The following UBE2D2 variants were observed in gnomAD, a reference collection of about 807,000 sequenced individuals.
The protein encoded by UBE2D2 is ubiquitin conjugating enzyme E2 D2.
In UBE2D2, 2 loss-of-function variants were observed where a neutral mutation model predicts 24.2. The observed-to-expected ratio is 0.08, with a 90% CI of 0.03 to 0.26. The LOEUF (loss-of-function observed/expected upper bound fraction) is 0.26. Ranked by LOEUF, UBE2D2 falls within the 10% of genes least tolerant of loss-of-function variation. The pLI is 1.00. For missense variants in UBE2D2, 44 were observed against 177.6 expected (o/e 0.25, Z 4.28); for synonymous variants, 58 against 56.5 (o/e 1.03, Z -0.12).
At chr5:139,575,202 T>C (rs1753442017) in intron 1 of UBE2D2, among the ~76,000 whole-genome samples, 1 of 152,184 alleles carries the variant, frequency 6.6e-6, no homozygotes. Flanking sequence ...GCTGGACTCT[T>C]TCACCTTTGC....
chr5:139,578,729 A>G (rs901083148), intron 1 of UBE2D2, among the ~76,000 whole-genome samples: 1 of 152,138 alleles, frequency 6.6e-6, no homozygotes, highest in South Asian at 2.1e-4. Context: ...CTGGAATTAC[A>G]GACAGCCACC....
intron 2 of UBE2D2, among the ~76,000 whole-genome samples, chr5:139,602,684 A>AAACAAC (rs369766587): frequency 1.3e-5 from 2 of 152,218 alleles, no homozygotes; most frequent in South Asian, 2.1e-4. Flanking sequence ...CTCAAAACAA[A>AAACAAC]AACAACAACA....
At chr5:139,625,060 C>T (rs533620459) in intron 6 of UBE2D2, among the ~76,000 whole-genome samples, 1 of 151,300 alleles carries the variant, frequency 6.6e-6, no homozygotes, top group Non-Finnish European at 1.5e-5. Context: ...TCTAACCCCC[C>T]ACTTTTTTTT....
chr5:139,604,160 G>A (rs1234860585), intron 2 of UBE2D2, among the ~76,000 whole-genome samples: 2 of 142,128 alleles, frequency 1.4e-5, no homozygotes, highest in African/African-American at 5.3e-5. Context: ...TTTTTTTTGA[G>A]ACGGAATCTC....
intron 1 of UBE2D2, among the ~76,000 whole-genome samples, chr5:139,552,757 A>G (rs1752939466): frequency 7.0e-6 from 1 of 141,930 alleles, no homozygotes; most frequent in Non-Finnish European, 1.5e-5. Flanking sequence ...ATCTTGGCTC[A>G]CCGCAACCTC....
rs189316384 is a variant in UBE2D2 at position 139,536,707 on chromosome 5, C to A, written c.-64+10095C>A. On this transcript the variant is annotated intron_variant, in intron 1 of 6. Transcript: ENST00000511725. The stretch of plus-strand genomic sequence containing the variant: ...GTTTCACCCTGTTGGCCAGGCTGGT[C>A]TCCAACTCCTGAACTCATGTGATCC... 1.1e-3 allele frequency among the ~76,000 whole-genome samples: 172 copies of A among 152,096 alleles called. 1 individual carries two copies. Among genetic ancestry groups the A allele is most frequent in the African/African-American group, 3.8e-3 (157 of 41,526 alleles).
chr5:139,581,947 G>C (rs1009153849), intron 1 of UBE2D2, among the ~76,000 whole-genome samples: 1 of 152,042 alleles, frequency 6.6e-6, no homozygotes, highest in Admixed American at 6.6e-5. Flanking sequence ...GATTGCAGGC[G>C]TGAGCTACTG....
In UBE2D2 at chr5:139,561,745, C is replaced by A; in HGVS notation, c.-47C>A. On this transcript the variant is annotated 5_prime_UTR_variant, in exon 1 of 7. Transcript: ENST00000398733. ...TCCCTAGCCCCTTCCCCGTCCCTTC[C>A]CCGCCCCCGTCCCCGCCCCGGGGGC... 2 of 1,410,920 alleles carry A rather than the reference C, an allele frequency of 1.4e-6. No individual in the cohort carries two copies. Among genetic ancestry groups the A allele is most frequent in the Non-Finnish European group, 1.9e-6 (2 of 1,060,298 alleles). 87.4% of individuals were successfully genotyped at this position (1,410,920 alleles called of 1,614,324 possible). A position where few individuals can be genotyped will look rare whatever the true frequency, so the allele number is the denominator to read the frequency against.
rs573104974 is a variant in UBE2D2, at chr5:139,623,569, C to T, written c.398+108C>T. The T allele has an allele frequency of 1.0e-3, 775 of 773,038 alleles. 2 individuals carry two copies. The highest frequency in any genetic ancestry group is 4.4e-3 in the Middle Eastern group (18 of 4,136). 47.9% of individuals were successfully genotyped at this position (773,038 alleles called of 1,614,324 possible). ...ATCGGCCAGATATTTAAAGTGAAGT[C>T]CTAATATACTCTCCTGGGGCTAGAA... is the stretch of plus-strand genomic sequence containing the variant. On this transcript the variant is annotated intron_variant, in intron 6 of 6. Coordinates refer to ENST00000398733, the MANE Select transcript of UBE2D2 (RefSeq NM_003339.3).
At chr5:139,558,869 C>T (rs913472049), upstream of UBE2D2, among the ~76,000 whole-genome samples, 3 of 151,954 alleles carry the variant, frequency 2.0e-5, no homozygotes, top group Non-Finnish European at 4.4e-5. Flanking sequence ...GGAACCACCA[C>T]GGCTCACTGC....
At chr5:139,626,198 A>G (rs1339611273) in intron 6 of UBE2D2, among the ~76,000 whole-genome samples, 15 of 151,256 alleles carry the variant, frequency 9.9e-5, no homozygotes, top group Admixed American at 9.9e-4. Context: ...CCTCCTGAGT[A>G]GCTGGGACTA....
At position 139,600,301 on chromosome 5, in the gene UBE2D2, A is replaced by G. The variant is rs778190993; in HGVS notation, c.25-71A>G. On this transcript the variant is annotated intron_variant, in intron 1 of 6. Coordinates refer to ENST00000398733, the MANE Select transcript of UBE2D2 (RefSeq NM_003339.3). ...AGCAGGACAGAGAATATTGGTAACAATATAAACTTTAGTAATGGATAAAAG... is the reference window on the plus strand; with the variant it reads ...AGCAGGACAGAGAATATTGGTAACAGTATAAACTTTAGTAATGGATAAAAG... 19 of 1,509,784 alleles carry G rather than the reference A, an allele frequency of 1.3e-5. No homozygotes were observed. The East Asian group carries it at 3.6e-4, about 29-fold the overall frequency. The allele number at this position is 1,509,784 out of a possible 1,614,324, so 93.5% of individuals were successfully genotyped here.
intron 1 of UBE2D2, among the ~76,000 whole-genome samples, chr5:139,568,969 CA>C (rs1457174734): frequency 2.7e-5 from 4 of 149,328 alleles, no homozygotes; most frequent in African/African-American, 7.4e-5. Flanking sequence ...GACTCCGTCT[CA>C]AAAAAGAAAA....
chr5:139,560,296 C>A (rs1251496641), upstream of UBE2D2, among the ~76,000 whole-genome samples: 1 of 151,430 alleles, frequency 6.6e-6, no homozygotes, highest in Non-Finnish European at 1.5e-5. Flanking sequence ...CTCCCGGATT[C>A]AAGCGATTCT....
chr5:139,624,511 G>T (rs1464564119), intron 6 of UBE2D2, among the ~76,000 whole-genome samples: 1 of 152,210 alleles, frequency 6.6e-6, no homozygotes, highest in Non-Finnish European at 1.5e-5. Context: ...TTTAGGGCCG[G>T]GCGCAGTGGC....
intron 1 of UBE2D2, among the ~76,000 whole-genome samples, chr5:139,548,163 C>CAAAAAAAAAAAAA (rs749269739): frequency 9.1e-5 from 3 of 32,964 alleles, no homozygotes; most frequent in Admixed American, 8.4e-4. Context: ...GACTCCGTCT[C>CAAAAAAAAAAAAA]AAAAAAAAAA....
rs957903985 is a variant in UBE2D2 at position 139,625,792 on chromosome 5, A to G, written c.399-964A>G. ...GCTAATTTTTGTGTTTTCAGTAGAG[A>G]CGGGATTTTGCCATGTTGGCCAGGC... On this transcript the variant is annotated intron_variant, in intron 6 of 6. Transcript: ENST00000398733. Among the ~76,000 whole-genome samples the G allele has an allele frequency of 2.6e-5, 4 of 151,320 alleles. 1 individual carries two copies. The highest frequency in any genetic ancestry group is 9.7e-5 in the African/African-American group (4 of 41,124).
intron 1 of UBE2D2, among the ~76,000 whole-genome samples, chr5:139,590,309 C>T (rs1753815313): frequency 6.6e-6 from 1 of 151,880 alleles, no homozygotes; most frequent in African/African-American, 2.4e-5. Flanking sequence ...GTGGTGGATG[C>T]CTGTAATCCC....
At chr5:139,566,271 G>C (rs1753214586) in intron 1 of UBE2D2, among the ~76,000 whole-genome samples, 1 of 152,058 alleles carries the variant, frequency 6.6e-6, no homozygotes, top group African/African-American at 2.4e-5. Flanking sequence ...CGTCCGTCTC[G>C]GCCTCCCAAA....
Sources: gnomAD v4.1 joint callset for allele counts (sites outside exome capture counted in the v4.1 genomes callset) on GRCh38, gnomAD v4.1.1 for gene constraint, MANE v1.5 for transcripts, NCBI Gene and HGNC (gene_info 2026-07-23, HGNC 2026-07-21) for gene names.